Variants in CALD1 observed in about 807,000 individuals in gnomAD.
The protein encoded by CALD1 is caldesmon.
CALD1 carries 33 observed loss-of-function variants against 99.9 expected under a neutral mutation model. That is an observed-to-expected ratio of 0.33 (90% CI 0.25 to 0.44). The LOEUF is 0.44. Among genes scored for constraint, CALD1 ranks in the 20% least tolerant of loss-of-function variants. CALD1 has a pLI of 1.00. For synonymous variants in CALD1, 310 were observed against 325.0 expected (o/e 0.95, Z 0.50); for missense variants, 861 against 962.1 (o/e 0.89, Z 1.39).
intron 3 of CALD1, among the ~76,000 whole-genome samples, chr7:134,917,663 T>TA (rs1385007562): frequency 6.6e-6 from 1 of 152,196 alleles, no homozygotes; most frequent in East Asian, 1.9e-4. Context: ...TTAAAATTCT[T>TA]ACTCATTATT....
the CALD1 span, among the ~76,000 whole-genome samples, chr7:134,738,154 C>A: frequency 2.2e-4 from 33 of 152,124 alleles, no homozygotes; most frequent in Non-Finnish European, 4.3e-4. Context: ...AATGCTTTAT[C>A]TCCTGTGGTC....
At chr7:134,898,900 G>C (rs749123897) in intron 3 of CALD1, among the ~76,000 whole-genome samples, 18 of 152,270 alleles carry the variant, frequency 1.2e-4, no homozygotes, top group Admixed American at 7.2e-4. Context: ...TGGTTGTTGG[G>C]TTTTTAAGTC....
intron 1 of CALD1, among the ~76,000 whole-genome samples, chr7:134,800,784 T>G (rs1379269847): frequency 6.6e-6 from 1 of 151,996 alleles, no homozygotes; most frequent in East Asian, 1.9e-4. Flanking sequence ...TTAGTCACAT[T>G]TTAAAAATAC....
intron 7 of CALD1, among the ~76,000 whole-genome samples, chr7:134,943,171 C>T (rs954633668): frequency 6.6e-6 from 1 of 152,032 alleles, no homozygotes; most frequent in Non-Finnish European, 1.5e-5. Flanking sequence ...AGAGAGTATC[C>T]GCCTAGCCTC....
At chr7:134,790,608 C>T (rs1797489943) in intron 1 of CALD1, among the ~76,000 whole-genome samples, 3 of 152,140 alleles carry the variant, frequency 2.0e-5, no homozygotes, top group Admixed American at 2.0e-4. Flanking sequence ...AGCTAAACAC[C>T]ATTGCTTTCA....
chr7:134,920,186 A>G (rs1255056192), intron 3 of CALD1, among the ~76,000 whole-genome samples: 1 of 152,200 alleles, frequency 6.6e-6, no homozygotes, highest in African/African-American at 2.4e-5. Context: ...ATGGTCTGAG[A>G]TTTTGCTAAG....
chr7:134,876,998 T>C (rs1429629786), intron 3 of CALD1, among the ~76,000 whole-genome samples: 1 of 152,200 alleles, frequency 6.6e-6, no homozygotes, highest in East Asian at 1.9e-4. Flanking sequence ...GTTGTTCTAC[T>C]CCGCCTCTCT....
At chr7:134,966,045 A>G (rs1246755488) in intron 14 of CALD1, among the ~76,000 whole-genome samples, 1 of 152,116 alleles carries the variant, frequency 6.6e-6, no homozygotes, top group African/African-American at 2.4e-5. Context: ...TCAACTCCCA[A>G]CTGTAGCCTT....
upstream of CALD1, among the ~76,000 whole-genome samples, chr7:134,778,448 G>T (rs542426853): frequency 6.6e-6 from 1 of 152,268 alleles, no homozygotes; most frequent in South Asian, 2.1e-4. Context: ...AAACTTCTTG[G>T]TCAGTGATGA....
Position 134,921,309 on chromosome 7 carries a change from TAAC to T in CALD1, c.72-7442_72-7440del, listed in dbSNP as rs777448152. 1.2e-4 allele frequency among the ~76,000 whole-genome samples: 19 copies of T among 152,352 alleles called. No individual in the cohort carries two copies. The East Asian group carries it at 2.5e-3, about 20-fold the overall frequency. On this transcript the variant is annotated intron_variant, in intron 3 of 14. Coordinates refer to ENST00000361675, the MANE Select transcript of CALD1 (RefSeq NM_033138.4). Reference sequence around the variant, plus strand: ...TTTTATAAAACACTTTATCAACAAATAACAAAAGTATAAGCAATTGTCATGAGA... The same window carrying T: ...TTTTATAAAACACTTTATCAACAAATAAAAGTATAAGCAATTGTCATGAGA...
chr7:134,784,472 T>C (rs1797230127), intron 1 of CALD1, among the ~76,000 whole-genome samples: 1 of 152,200 alleles, frequency 6.6e-6, no homozygotes, highest in African/African-American at 2.4e-5. Context: ...TAAGCCAGAA[T>C]GGATATCAGT....
At chr7:134,898,699 G>A (rs1024029581) in intron 3 of CALD1, among the ~76,000 whole-genome samples, 8 of 151,992 alleles carry the variant, frequency 5.3e-5, no homozygotes, top group South Asian at 4.2e-4. Flanking sequence ...TCAGCCTCCC[G>A]AGTAGCTGGG....
At chr7:134,763,793 C>A (rs1389265277) in intron 1 of CALD1, among the ~76,000 whole-genome samples, 2 of 151,896 alleles carry the variant, frequency 1.3e-5, no homozygotes, top group Non-Finnish European at 2.9e-5. Context: ...TGGCAGGCAC[C>A]TGTAATCCCA....
At chr7:134,917,345 A>T (rs917472209) in intron 3 of CALD1, among the ~76,000 whole-genome samples, 6 of 152,032 alleles carry the variant, frequency 3.9e-5, no homozygotes, top group African/African-American at 7.2e-5. Flanking sequence ...ATATTTATTT[A>T]AAAAAAATTT....
the CALD1 span, among the ~76,000 whole-genome samples, chr7:134,713,403 A>C: frequency 5.1e-4 from 77 of 152,134 alleles, no homozygotes; most frequent in Non-Finnish European, 1.0e-3. Context: ...CCAAACATGC[A>C]GTTCCCTCTG....
intron 3 of CALD1, among the ~76,000 whole-genome samples, chr7:134,886,767 C>T (rs914644376): frequency 3.3e-5 from 5 of 152,160 alleles, no homozygotes; most frequent in Non-Finnish European, 5.9e-5. Flanking sequence ...AACACTGGGA[C>T]CTTGATCACA....
intron 4 of CALD1, among the ~76,000 whole-genome samples, chr7:134,930,565 T>G (rs1474876254): frequency 6.6e-6 from 1 of 152,164 alleles, no homozygotes; most frequent in South Asian, 2.1e-4. Flanking sequence ...TGTTGGCCGG[T>G]AGCACAATAT....
intron 3 of CALD1, among the ~76,000 whole-genome samples, chr7:134,879,876 C>T (rs1801516331): frequency 6.6e-6 from 1 of 152,152 alleles, no homozygotes; most frequent in Non-Finnish European, 1.5e-5. Flanking sequence ...TAATAACTCC[C>T]TACATCACAT....
chr7:134,717,100 G>T, the CALD1 span, among the ~76,000 whole-genome samples: 1 of 152,168 alleles, frequency 6.6e-6, no homozygotes, highest in Non-Finnish European at 1.5e-5. Context: ...AGTACAGTGA[G>T]TTCCGTCTCT....
Sources: allele counts gnomAD v4.1 joint callset (sites outside exome capture counted in the v4.1 genomes callset), GRCh38; gene constraint gnomAD v4.1.1; transcripts MANE v1.5; gene names NCBI Gene and HGNC (gene_info 2026-07-23, HGNC 2026-07-21).